ANKRD31: variants seen among roughly 807,000 people sequenced by gnomAD.
ANKRD31 encodes ankyrin repeat domain-containing protein 31.
A neutral mutation model predicts 186.0 loss-of-function variants in ANKRD31; 147 were observed. The ratio of observed to expected loss-of-function variants is 0.79; its 90% CI spans 0.69 to 0.91. The LOEUF (loss-of-function observed/expected upper bound fraction) is 0.91, where lower values mean the gene tolerates loss of function less well. Among genes scored for constraint, ANKRD31 ranks in the 40% least tolerant of loss-of-function variants. ANKRD31 has a pLI of 0.00. For synonymous variants in ANKRD31, 673 were observed against 736.4 expected (o/e 0.91, Z 1.39); for missense variants, 1,986 against 2,148.8 (o/e 0.92, Z 1.50).
At chr5:75,131,097 C>G (rs922878096) in intron 17 of ANKRD31, among the ~76,000 whole-genome samples, 1 of 152,338 alleles carries the variant, frequency 6.6e-6, no homozygotes, top group Middle Eastern at 3.4e-3. Flanking sequence ...AGCCCACACC[C>G]ACCCAGAACC....
intron 10 of ANKRD31, among the ~76,000 whole-genome samples, chr5:75,180,740 G>T (rs1410369001): frequency 2.0e-5 from 3 of 152,212 alleles, no homozygotes; most frequent in African/African-American, 4.8e-5. Flanking sequence ...ATTCAAGATG[G>T]ATTGAAGACT....
chr5:75,160,906 T>C (rs6898134), intron 11 of ANKRD31, among the ~76,000 whole-genome samples: 77,104 of 152,068 alleles, frequency 0.51, 22,629 homozygotes, highest in African/African-American at 0.82. Context: ...TAAGAAGTGC[T>C]TTTCCCCTTA....
chr5:75,217,637 GC>G (rs1757039751), intron 3 of ANKRD31, among the ~76,000 whole-genome samples: 2 of 152,044 alleles, frequency 1.3e-5, no homozygotes, highest in Admixed American at 1.3e-4. Flanking sequence ...TTTATTTTGA[GC>G]CTATGGGTAT....
chr5:75,204,322 GC>G (rs1222208503), intron 5 of ANKRD31, among the ~76,000 whole-genome samples: 43 of 152,036 alleles, frequency 2.8e-4, no homozygotes, highest in Admixed American at 2.8e-3. Context: ...CAGATTACCT[GC>G]TTTTTTGTTG....
At chr5:75,082,996 C>T (rs909968397) in intron 24 of ANKRD31, among the ~76,000 whole-genome samples, 8 of 152,082 alleles carry the variant, frequency 5.3e-5, no homozygotes, top group African/African-American at 1.7e-4. Context: ...ATTGAGTATC[C>T]TTAGTCCAAA....
intron 10 of ANKRD31, among the ~76,000 whole-genome samples, chr5:75,176,494 G>C (rs1413552747): frequency 6.6e-6 from 1 of 152,150 alleles, no homozygotes; most frequent in South Asian, 2.1e-4. Context: ...AGTAGGGGTG[G>C]ACTGACACCT....
chr5:75,080,368 G>A (rs1241417101), intron 25 of ANKRD31, among the ~76,000 whole-genome samples, 200 bp downstream of exon 25: 1 of 152,082 alleles, frequency 6.6e-6, no homozygotes, highest in African/African-American at 2.4e-5. Flanking sequence ...AAGAATATAA[G>A]AAGTAAGAGT....
At chr5:75,220,609 G>T (rs375742030) in intron 3 of ANKRD31, among the ~76,000 whole-genome samples, 5 of 149,894 alleles carry the variant, frequency 3.3e-5, no homozygotes, top group African/African-American at 1.2e-4. Context: ...GTCATTGCAC[G>T]CCAGACTGGA....
intron 23 of ANKRD31, among the ~76,000 whole-genome samples, chr5:75,085,699 G>T (rs1405154637): frequency 6.6e-6 from 1 of 152,150 alleles, no homozygotes; most frequent in Non-Finnish European, 1.5e-5. Context: ...ACCGTGCCTG[G>T]CTGTGAAGTC....
chr5:75,153,430 T>C (rs1751967262), intron 12 of ANKRD31, among the ~76,000 whole-genome samples: 1 of 152,030 alleles, frequency 6.6e-6, no homozygotes, highest in African/African-American at 2.4e-5. Flanking sequence ...TTAAGTAGGG[T>C]GGTCTAGGCC....
At position 75,222,322 on chromosome 5, in the gene ANKRD31, A is replaced by G. The variant is rs969432385; in HGVS notation, c.215T>C (p.Leu72Pro). The G allele has an allele frequency of 6.5e-7, 1 of 1,536,762 alleles. No homozygotes were observed. The highest frequency in any genetic ancestry group is 8.7e-7 in the Non-Finnish European group (1 of 1,146,742). The change falls in exon 3 of 26, where the codon CTC becomes CCC. Residue 72 changes from leucine (L) to proline (P), a missense_variant. Physicochemically the swap from Leu to Pro is moderately conservative, Grantham distance 98 (BLOSUM62 -3). Transcript: ENST00000506364. ...CATTTGCTCTTGCAGATCCTCTCTG[A>G]GCTTAAATCCAAGTTGAATCTCAGG... ...PSPEIQLGFK[L>P]REDLQEQMNK...
At chr5:75,220,067 G>A (rs1757189263) in intron 3 of ANKRD31, among the ~76,000 whole-genome samples, 1 of 152,062 alleles carries the variant, frequency 6.6e-6, no homozygotes, top group African/African-American at 2.4e-5. Flanking sequence ...TACCATTTTG[G>A]ACATGGAAAC....
intron 17 of ANKRD31, among the ~76,000 whole-genome samples, chr5:75,118,840 TTA>T (rs1395095211): frequency 6.6e-6 from 1 of 152,150 alleles, no homozygotes; most frequent in Non-Finnish European, 1.5e-5. Context: ...AGGATTTAAT[TTA>T]TCTCTCTAAC....
At chr5:75,102,874 A>G (rs1301928224) in intron 22 of ANKRD31, among the ~76,000 whole-genome samples, 1 of 152,096 alleles carries the variant, frequency 6.6e-6, no homozygotes, top group Non-Finnish European at 1.5e-5. Flanking sequence ...GACCCCTTGC[A>G]CTTTCCTGGT....
chr5:75,163,605 C>A (rs955163486), intron 11 of ANKRD31, among the ~76,000 whole-genome samples: 1 of 152,152 alleles, frequency 6.6e-6, no homozygotes, highest in Non-Finnish European at 1.5e-5. Flanking sequence ...GGCATCATGT[C>A]AACACTCAAA....
chr5:75,193,741 A>C (rs1755277082), intron 7 of ANKRD31, 150 bp from the exon 8 acceptor site: 1 of 675,838 alleles, frequency 1.5e-6, no homozygotes, highest in Non-Finnish European at 2.4e-6. Flanking sequence ...TGTGGACATA[A>C]TGAAAGATTT....
At chr5:75,225,091 G>A (rs1447661851) in intron 2 of ANKRD31, among the ~76,000 whole-genome samples, 1 of 152,158 alleles carries the variant, frequency 6.6e-6, no homozygotes, top group Non-Finnish European at 1.5e-5. Context: ...ATTATTTGCT[G>A]CGTTGGTTGT....
intron 3 of ANKRD31, among the ~76,000 whole-genome samples, chr5:75,212,289 A>T (rs971330733): frequency 6.6e-6 from 1 of 152,132 alleles, no homozygotes; most frequent in Non-Finnish European, 1.5e-5. Flanking sequence ...TAAGGACCAG[A>T]AATTATATGA....
intron 2 of ANKRD31, among the ~76,000 whole-genome samples, chr5:75,228,497 T>C (rs149091023): frequency 3.1e-4 from 47 of 152,138 alleles, no homozygotes; most frequent in Non-Finnish European, 6.3e-4. Context: ...ATAAACTTCT[T>C]TAACATGAAA....
Sources: gnomAD v4.1 joint callset for allele counts (sites outside exome capture counted in the v4.1 genomes callset) on GRCh38, gnomAD v4.1.1 for gene constraint, MANE v1.5 for transcripts, NCBI Gene and HGNC (gene_info 2026-07-23, HGNC 2026-07-21) for gene names.